Variants in TULP3 observed in about 807,000 individuals in gnomAD.
TULP3 encodes the protein tubby-related protein 3.
Under a neutral mutation model 50.7 loss-of-function variants are expected in TULP3, and 38 were observed. That is an observed-to-expected ratio of 0.75 (90% CI 0.58 to 0.98). The LOEUF (loss-of-function observed/expected upper bound fraction) is 0.98. TULP3 is among the 50% of genes least tolerant of loss of function. The pLI, the probability that TULP3 is intolerant of heterozygous loss-of-function variation, is 0.00. For synonymous variants in TULP3, 183 were observed against 196.6 expected (o/e 0.93, Z 0.58); for missense variants, 550 against 568.0 (o/e 0.97, Z 0.32).
intron 3 of TULP3, among the ~76,000 whole-genome samples, chr12:2,921,244 A>T (rs1444298312): frequency 1.3e-5 from 2 of 152,006 alleles, no homozygotes; most frequent in Admixed American, 6.6e-5. Context: ...GGTTCAAGTG[A>T]TTCTCCTGCC....
intron 5 of TULP3, 190 bp from the exon 6 acceptor site, chr12:2,930,847 C>T: frequency 1.5e-6 from 1 of 662,436 alleles, no homozygotes; most frequent in Non-Finnish European, 2.7e-6. Flanking sequence ...GGCTTTGTCC[C>T]ATTTTGATAC....
intron 3 of TULP3, 28 bp downstream of exon 3, chr12:2,920,950 A>G (rs1565503705): frequency 5.6e-6 from 9 of 1,610,368 alleles, no homozygotes; most frequent in Non-Finnish European, 5.9e-6. Flanking sequence ...ATCACTTCCT[A>G]GTGGGGTACA....
chr12:2,920,818 A>G lies in TULP3; in HGVS notation c.149A>G (p.Gln50Arg). ...RKKRLEPFMV[Q>R]PNPEARLRRA... ...AAGCGCCTTGAGCCATTTATGGTGC[A>G]GCCCAATCCAGAAGCCAGGCTACGT... Residue 50 changes from glutamine to arginine, a missense_variant, in exon 3 of 11, where the codon CAG (glutamine) becomes CGG (arginine). By Grantham distance (43) the Gln-to-Arg change is conservative (BLOSUM62 1). Coordinates refer to ENST00000448120, the MANE Select transcript of TULP3 (RefSeq NM_003324.5). 3 of 1,614,184 alleles carry G rather than the reference A, an allele frequency of 1.9e-6. No homozygotes were observed. The highest frequency in any genetic ancestry group is 2.5e-6 in the Non-Finnish European group (3 of 1,180,032).
At chr12:2,895,719 A>T (rs1320041176) in intron 1 of TULP3, among the ~76,000 whole-genome samples, 1 of 152,180 alleles carries the variant, frequency 6.6e-6, no homozygotes, top group East Asian at 1.9e-4. Context: ...AATGATGGGG[A>T]TGCATTCTGA....
At chr12:2,891,097 T>C (rs2098171618) in intron 1 of TULP3, 109 bp downstream of exon 1, 4 of 1,299,732 alleles carry the variant, frequency 3.1e-6, no homozygotes, top group Non-Finnish European at 3.1e-6. Flanking sequence ...ACTCGGGACT[T>C]GGCGACTCAG....
chr12:2,911,404 G>A (rs2098185377), intron 2 of TULP3, among the ~76,000 whole-genome samples: 2 of 151,396 alleles, frequency 1.3e-5, no homozygotes, highest in Non-Finnish European at 2.9e-5. Context: ...CCAGACTGGA[G>A]TGCAGTGGCG....
In TULP3 at chr12:2,940,233, TGAG is replaced by T. The variant is rs1484073342; in HGVS notation, c.*793_*795del. The T allele has an allele frequency of 7.4e-7, 1 of 1,353,742 alleles. No homozygotes were observed. The highest frequency in any genetic ancestry group is 1.5e-5 in the African/African-American group (1 of 68,190). The allele number at this position is 1,353,742 out of a possible 1,614,324, so 83.9% of individuals were successfully genotyped here. ...AGCTATATGACTACGGATCCATTAG[TGAG>T]GAGCGACACACACACCTGTAGGCAT... On this transcript the variant is annotated 3_prime_UTR_variant, in exon 11 of 11. Coordinates refer to ENST00000448120, the MANE Select transcript of TULP3 (RefSeq NM_003324.5).
intron 2 of TULP3, among the ~76,000 whole-genome samples, chr12:2,917,420 C>T (rs1240469809): frequency 1.3e-5 from 2 of 151,204 alleles, no homozygotes; most frequent in Admixed American, 6.6e-5. Flanking sequence ...TGCAGTGAGC[C>T]GAGATCGCAC....
Position 2,940,669 on chromosome 12 carries a change from G to C in TULP3, c.*1225G>C. ...GGCTGCTCCCTCAGACCTCCCTTCT[G>C]TGGACTGACCTCTCACCTCCGCCTG... On this transcript the variant is annotated 3_prime_UTR_variant, in exon 11 of 11. Transcript: ENST00000448120. The C allele has an allele frequency of 7.1e-6, 11 of 1,551,716 alleles. No individual in the cohort carries two copies. The highest frequency in any genetic ancestry group is 9.6e-6 in the Non-Finnish European group (11 of 1,147,000).
At chr12:2,937,200 ATTTTT>A (rs771074689) in intron 8 of TULP3, among the ~76,000 whole-genome samples, 2 of 54,446 alleles carry the variant, frequency 3.7e-5, no homozygotes, top group African/African-American at 1.5e-4. Flanking sequence ...GGTACACCTG[ATTTTT>A]TTTTTTTTTT....
At chr12:2,936,038 C>T (rs566323805) in intron 8 of TULP3, among the ~76,000 whole-genome samples, 7 of 151,150 alleles carry the variant, frequency 4.6e-5, no homozygotes, top group Non-Finnish European at 7.4e-5. Context: ...AGGCCGAGGC[C>T]GGTGGATCAC....
intron 1 of TULP3, among the ~76,000 whole-genome samples, 190 bp downstream of exon 1, chr12:2,891,178 T>A (rs552777214): frequency 3.3e-5 from 5 of 152,196 alleles, no homozygotes; most frequent in African/African-American, 1.2e-4. Flanking sequence ...CTTTCTCAAG[T>A]GGAGCGGCGG....
chr12:2,923,803 C>A (rs893527141), intron 4 of TULP3, among the ~76,000 whole-genome samples: 2 of 150,890 alleles, frequency 1.3e-5, no homozygotes, highest in Non-Finnish European at 2.9e-5. Flanking sequence ...GAAACCTTGT[C>A]TCTACAAAAA....
intron 8 of TULP3, among the ~76,000 whole-genome samples, chr12:2,935,642 AT>A (rs1223626673): frequency 6.6e-6 from 1 of 152,150 alleles, no homozygotes; most frequent in African/African-American, 2.4e-5. Flanking sequence ...TCACACTTTA[AT>A]GTAAGGTGTC....
chr12:2,913,663 T>G (rs2098186964), intron 2 of TULP3, among the ~76,000 whole-genome samples: 1 of 152,170 alleles, frequency 6.6e-6, no homozygotes, highest in South Asian at 2.1e-4. Context: ...CAGGCTGGAG[T>G]GCAGTGACAC....
At chr12:2,904,610 C>A (rs2098181143) in intron 1 of TULP3, among the ~76,000 whole-genome samples, 1 of 152,152 alleles carries the variant, frequency 6.6e-6, no homozygotes, top group Non-Finnish European at 1.5e-5. Flanking sequence ...TGTGTTTCTT[C>A]AAGATGTGTG....
At chr12:2,892,550 T>A (rs10744574) in intron 1 of TULP3, among the ~76,000 whole-genome samples, 1 of 151,696 alleles carries the variant, frequency 6.6e-6, no homozygotes, top group Non-Finnish European at 1.5e-5. Context: ...TCTCTCTCTG[T>A]CGCCAGGCGG....
rs115796896 is a variant in TULP3, at chr12:2,895,094, T to A, written c.41+4106T>A. 5.6e-3 allele frequency among the ~76,000 whole-genome samples: 858 copies of A among 152,318 alleles called. 8 individuals are homozygous for A. The highest frequency in any genetic ancestry group is 0.02 in the African/African-American group (824 of 41,572). On this transcript the variant is annotated intron_variant, in intron 1 of 10. Coordinates refer to ENST00000448120, the MANE Select transcript of TULP3 (RefSeq NM_003324.5). ...ATTAAATCATACATCTTAAATAGCC[T>A]TTTTGTTTAGTTCACTCAAAAGAAT...
In TULP3 at chr12:2,940,396, T is replaced by C. The variant is rs2098204008; in HGVS notation, c.*952T>C. ...AGCAGACATGAGCACTGCTGGCCCG[T>C]GTGGCAGAGCTGTGGACTTTCTTCT... is the stretch of plus-strand genomic sequence containing the variant. On this transcript the variant is annotated 3_prime_UTR_variant, in exon 11 of 11. Transcript: ENST00000448120. The C allele has an allele frequency of 1.0e-5, 15 of 1,452,290 alleles. No homozygotes were observed. The South Asian group carries it at 2.2e-4, about 21-fold the overall frequency. The allele number at this position is 1,452,290 out of a possible 1,614,324, so 90.0% of individuals were successfully genotyped here.
Sources: allele counts gnomAD v4.1 joint callset (sites outside exome capture counted in the v4.1 genomes callset), GRCh38; gene constraint gnomAD v4.1.1; transcripts MANE v1.5; gene names NCBI Gene and HGNC (gene_info 2026-07-23, HGNC 2026-07-21).